The following UXS1 variants were observed in gnomAD, a reference collection of about 807,000 sequenced individuals.
UXS1 encodes the protein UDP-glucuronic acid decarboxylase 1.
UXS1 carries 33 observed loss-of-function variants against 62.6 expected under a neutral mutation model. That is an observed-to-expected ratio of 0.53 (90% CI 0.40 to 0.70). The LOEUF (loss-of-function observed/expected upper bound fraction) is 0.70. UXS1 is among the 30% of genes least tolerant of loss of function. UXS1 has a pLI of 0.00. For missense variants in UXS1, 434 were observed against 556.3 expected (o/e 0.78, Z 2.21); for synonymous variants, 213 against 206.8 (o/e 1.03, Z -0.26).
chr2:106,125,793 T>C (rs958401990), intron 7 of UXS1, 114 bp from the exon 8 acceptor site: 59 of 815,546 alleles, frequency 7.2e-5, no homozygotes, highest in Non-Finnish European at 1.0e-4. Context: ...ATCTATCCAA[T>C]TATCTACCCT....
At position 106,114,379 on chromosome 2, in the gene UXS1, G is replaced by A. The variant is rs373908018; in HGVS notation, c.760-1614C>T. Among the ~76,000 whole-genome samples the A allele has an allele frequency of 2.6e-5, 4 of 152,244 alleles. No homozygotes were observed. The South Asian group carries it at 8.3e-4, about 32-fold the overall frequency. ...GAATAAATCAACCCTTTTCTCCACCGAACTAATGAGTGTATTAAAAAGGGT... is the reference window on the plus strand; with the variant it reads ...GAATAAATCAACCCTTTTCTCCACCAAACTAATGAGTGTATTAAAAAGGGT... On this transcript the variant is annotated intron_variant, in intron 9 of 14. Transcript: ENST00000283148.
At chr2:106,190,038 C>A (rs914307960) in intron 1 of UXS1, among the ~76,000 whole-genome samples, 4 of 152,160 alleles carry the variant, frequency 2.6e-5, no homozygotes, top group African/African-American at 9.7e-5. Flanking sequence ...CCCCGGGGCC[C>A]TTCTTCAGGA....
At chr2:106,146,454 G>A (rs993456902) in intron 5 of UXS1, among the ~76,000 whole-genome samples, 3 of 152,138 alleles carry the variant, frequency 2.0e-5, no homozygotes, top group Admixed American at 6.5e-5. Context: ...TCTCACACAC[G>A]ATGAAGTATT....
At chr2:106,128,160 C>A (rs1234020265) in intron 7 of UXS1, among the ~76,000 whole-genome samples, 1 of 151,896 alleles carries the variant, frequency 6.6e-6, no homozygotes, top group South Asian at 2.1e-4. Flanking sequence ...TGGAGGGGGG[C>A]GGGACAGAGA....
At chr2:106,187,477 G>C (rs1456638941) in intron 1 of UXS1, among the ~76,000 whole-genome samples, 1 of 152,190 alleles carries the variant, frequency 6.6e-6, no homozygotes, top group African/African-American at 2.4e-5. Context: ...TGCCGATCAT[G>C]TGGGAGCTGA....
intron 3 of UXS1, 135 bp from the exon 4 acceptor site, chr2:106,163,845 A>C (rs193216365): frequency 2.1e-6 from 1 of 483,380 alleles, no homozygotes; most frequent in African/African-American, 2.0e-5. Flanking sequence ...TTTGAAATTA[A>C]GATACACCAC....
At chr2:106,171,679 T>C (rs758611243) in intron 1 of UXS1, among the ~76,000 whole-genome samples, 3 of 152,252 alleles carry the variant, frequency 2.0e-5, no homozygotes, top group Non-Finnish European at 4.4e-5. Context: ...AATGGCCCTA[T>C]TTCAAGTAAT....
chr2:106,127,128 G>A (rs1163326492), intron 7 of UXS1, among the ~76,000 whole-genome samples: 1 of 152,166 alleles, frequency 6.6e-6, no homozygotes, highest in African/African-American at 2.4e-5. Flanking sequence ...ATGCACTGCC[G>A]TTAATCATTC....
intron 1 of UXS1, among the ~76,000 whole-genome samples, chr2:106,178,628 G>GTTA (rs1483509912): frequency 7.9e-5 from 12 of 152,138 alleles, no homozygotes; most frequent in African/African-American, 2.6e-4. Flanking sequence ...GTGTATATAT[G>GTTA]TTAGAGTGTG....
chr2:106,097,066 G>A (rs1558669014), intron 13 of UXS1: 1 of 628,426 alleles, frequency 1.6e-6, no homozygotes, highest in Non-Finnish European at 3.0e-6. Context: ...GCTCGGTGGG[G>A]GGCAGGTTAT....
At chr2:106,175,663 G>A (rs373175463) in intron 1 of UXS1, among the ~76,000 whole-genome samples, 6 of 152,160 alleles carry the variant, frequency 3.9e-5, no homozygotes, top group African/African-American at 1.4e-4. Flanking sequence ...GTCTGACCAC[G>A]TGAGGCCAGA....
chr2:106,126,914 C>G (rs533193155), intron 7 of UXS1, among the ~76,000 whole-genome samples: 3 of 152,282 alleles, frequency 2.0e-5, no homozygotes, highest in Admixed American at 6.5e-5. Context: ...CTCGCTCCCT[C>G]CCACCTGCTG....
intron 1 of UXS1, among the ~76,000 whole-genome samples, chr2:106,170,301 C>A (rs761845904): frequency 7.9e-5 from 12 of 152,202 alleles, no homozygotes; most frequent in Non-Finnish European, 1.5e-4. Flanking sequence ...AAAGCACCTT[C>A]AACCTTCCCT....
intron 5 of UXS1, among the ~76,000 whole-genome samples, chr2:106,155,595 T>A (rs1042875442): frequency 2.0e-5 from 3 of 152,208 alleles, no homozygotes; most frequent in African/African-American, 7.2e-5. Flanking sequence ...CTGTACAGAT[T>A]TGTAGCATAT....
intron 10 of UXS1, among the ~76,000 whole-genome samples, chr2:106,111,806 A>G (rs958636619): frequency 6.6e-6 from 1 of 152,182 alleles, no homozygotes; most frequent in Non-Finnish European, 1.5e-5. Flanking sequence ...ATGCCACAGG[A>G]TTTTCAGAGT....
At chr2:106,126,115 C>T (rs949513225) in intron 7 of UXS1, among the ~76,000 whole-genome samples, 1 of 152,172 alleles carries the variant, frequency 6.6e-6, no homozygotes, top group African/African-American at 2.4e-5. Flanking sequence ...CCATGCCACC[C>T]TGTCTGGGTA....
intron 9 of UXS1, among the ~76,000 whole-genome samples, chr2:106,122,163 A>G (rs1679573746): frequency 6.6e-6 from 1 of 152,244 alleles, no homozygotes; most frequent in Non-Finnish European, 1.5e-5. Flanking sequence ...GTCCTGGACC[A>G]ACGTTCCACA....
chr2:106,193,599 G>A (rs1837951), intron 1 of UXS1, among the ~76,000 whole-genome samples: 149,195 of 152,262 alleles, frequency 0.98, 73,151 homozygotes, highest in South Asian at 1. Flanking sequence ...GGTGCGCCCC[G>A]ACACCTGGGC....
At chr2:106,168,847 G>A (rs951723804) in intron 1 of UXS1, among the ~76,000 whole-genome samples, 5 of 152,146 alleles carry the variant, frequency 3.3e-5, no homozygotes, top group African/African-American at 1.2e-4. Context: ...AGACGAAAAA[G>A]TATATATACA....
Sources: gnomAD v4.1 joint callset for allele counts (sites outside exome capture counted in the v4.1 genomes callset) on GRCh38, gnomAD v4.1.1 for gene constraint, MANE v1.5 for transcripts, NCBI Gene and HGNC (gene_info 2026-07-23, HGNC 2026-07-21) for gene names.